The following GPR89B variants were observed in gnomAD, a reference collection of about 807,000 sequenced individuals.
GPR89B encodes G protein-coupled receptor 89B.
In GPR89B, 25 loss-of-function variants were observed where a neutral mutation model predicts 52.4. The observed-to-expected ratio is 0.48, with a 90% CI of 0.35 to 0.67. The LOEUF (loss-of-function observed/expected upper bound fraction) is 0.67, where lower values mean the gene tolerates loss of function less well. Among genes scored for constraint, GPR89B ranks in the 30% least tolerant of loss-of-function variants. The pLI, the probability that GPR89B is intolerant of heterozygous loss-of-function variation, is 0.01. For synonymous variants in GPR89B, 52 were observed against 151.2 expected, an observed-to-expected ratio of 0.34 and a Z score of 4.81; for missense variants, 146 against 450.2, an observed-to-expected ratio of 0.32 and a Z score of 6.11.
downstream of GPR89B, among the ~76,000 whole-genome samples, chr1:147,997,776 A>T (rs1418231222): frequency 3.3e-5 from 5 of 152,206 alleles, no homozygotes; most frequent in African/African-American, 1.2e-4. Context: ...GAAGAGACCA[A>T]CCCATATACA....
chr1:147,995,639 A>G (rs1659298960), downstream of GPR89B: 44 of 1,609,068 alleles, frequency 2.7e-5, 1 homozygote, highest in Admixed American at 8.4e-5. Context: ...CTCCACCACT[A>G]TTCCTTCTTT....
chr1:147,951,539 A>T (rs1324707140), intron 5 of GPR89B, among the ~76,000 whole-genome samples: 1 of 151,962 alleles, frequency 6.6e-6, no homozygotes, highest in East Asian at 1.9e-4. Context: ...GAAGCCAAGA[A>T]CAGAATTTCT....
intron 12 of GPR89B, among the ~76,000 whole-genome samples, chr1:147,990,683 C>T (rs1363568671): frequency 6.6e-6 from 1 of 152,016 alleles, no homozygotes; most frequent in East Asian, 1.9e-4. Flanking sequence ...CCAGTTTTCC[C>T]AGCACCATTT....
intron 1 of GPR89B, among the ~76,000 whole-genome samples, chr1:147,932,772 C>T (rs868906685): frequency 2.0e-5 from 3 of 152,118 alleles, no homozygotes; most frequent in Non-Finnish European, 2.9e-5. Flanking sequence ...AGCCATTCTA[C>T]CTACCTTTGA....
chr1:147,929,860 A>T (rs1188300937), intron 1 of GPR89B, among the ~76,000 whole-genome samples: 3 of 152,176 alleles, frequency 2.0e-5, no homozygotes, highest in Non-Finnish European at 4.4e-5. Context: ...GCTGCATAGT[A>T]TTCAAATGTA....
the GPR89B span, chr1:148,011,095 C>T: frequency 6.6e-5 from 10 of 152,126 alleles, no homozygotes; most frequent in Admixed American, 2.6e-4. Context: ...TCCCCACCTA[C>T]GCGGGAGACC....
At chr1:147,985,634 T>C (rs1197680529) in intron 10 of GPR89B, among the ~76,000 whole-genome samples, 3 of 151,238 alleles carry the variant, frequency 2.0e-5, no homozygotes, top group African/African-American at 7.4e-5. Flanking sequence ...ATTGATGTGG[T>C]TGTTTTTTTT....
the GPR89B span, among the ~76,000 whole-genome samples, chr1:148,002,967 A>G: frequency 3.3e-5 from 5 of 152,090 alleles, no homozygotes; most frequent in African/African-American, 1.2e-4. Context: ...GCTTACTCTA[A>G]CGTTGAATTA....
intron 5 of GPR89B, among the ~76,000 whole-genome samples, chr1:147,947,472 G>A (rs1655082916): frequency 6.6e-6 from 1 of 151,944 alleles, no homozygotes; most frequent in Non-Finnish European, 1.5e-5. Flanking sequence ...ACAAAAGACT[G>A]TAAGGAATCT....
intron 5 of GPR89B, among the ~76,000 whole-genome samples, chr1:147,952,971 A>G (rs2149058471): frequency 6.6e-6 from 1 of 151,474 alleles, no homozygotes; most frequent in South Asian, 2.1e-4. Context: ...TGCTATTTAT[A>G]CTTTTCCAGC....
chr1:148,019,363 C>T, the GPR89B span, among the ~76,000 whole-genome samples: 3 of 150,108 alleles, frequency 2.0e-5, no homozygotes, highest in East Asian at 2.0e-4. Flanking sequence ...GAGCTGAATG[C>T]GAGAACACAT....
the GPR89B span, chr1:148,014,546 C>T: frequency 6.6e-6 from 1 of 151,644 alleles, no homozygotes; most frequent in African/African-American, 2.4e-5. Flanking sequence ...GGGAGAACCC[C>T]CTTCCTGACC....
At chr1:148,007,447 G>C in the GPR89B span, among the ~76,000 whole-genome samples, 2 of 151,902 alleles carry the variant, frequency 1.3e-5, no homozygotes, top group Admixed American at 1.3e-4. Flanking sequence ...TTGATACCAA[G>C]AGCATATGAT....
the GPR89B span, among the ~76,000 whole-genome samples, chr1:148,001,783 C>T: frequency 6.6e-6 from 1 of 151,148 alleles, no homozygotes; most frequent in East Asian, 1.9e-4. Flanking sequence ...AAGCATCTGA[C>T]ATTTGATTTT....
rs1343057842 is a variant in GPR89B at position 147,928,483 on chromosome 1, G to C, written c.-54G>C. On this transcript the variant is annotated 5_prime_UTR_variant, in exon 1 of 14. Coordinates refer to ENST00000314163, the MANE Select transcript of GPR89B (RefSeq NM_016334.5). ...GTGAGGGGGCCTGTGGCCCCAGCGT[G>C]CTGTGGCCTCCGGGAGTGGGAAGTG... 1.2e-6 allele frequency: 2 copies of C among 1,609,060 alleles called. No homozygotes were observed. The highest frequency in any genetic ancestry group is 1.7e-6 in the Non-Finnish European group (2 of 1,175,612).
At position 147,952,244 on chromosome 1, in the gene GPR89B, A is replaced by G. The variant is rs148728754; in HGVS notation, c.416-1101A>G. On this transcript the variant is annotated intron_variant, in intron 5 of 13. Coordinates refer to ENST00000314163, the MANE Select transcript of GPR89B (RefSeq NM_016334.5). ...TCCAAAATCAGTATGCATTCTAGCA[A>G]TTTGAGGCAGCAAAACATGGGCACA... 4.1e-3 allele frequency among the ~76,000 whole-genome samples: 623 copies of G among 152,194 alleles called. 10 individuals carry two copies. Among genetic ancestry groups the G allele is most frequent in the African/African-American group, 0.014 (587 of 41,466 alleles).
At chr1:148,017,320 G>A in the GPR89B span, among the ~76,000 whole-genome samples, 2 of 151,522 alleles carry the variant, frequency 1.3e-5, no homozygotes, top group Admixed American at 6.6e-5. Context: ...GGGATTACAG[G>A]CGTGAGCCAT....
At chr1:147,988,053 TC>T (rs1160637155) in intron 11 of GPR89B, among the ~76,000 whole-genome samples, 2 of 152,174 alleles carry the variant, frequency 1.3e-5, no homozygotes, top group African/African-American at 4.8e-5. Flanking sequence ...GTTATTTTTA[TC>T]ACTGCTTGGT....
chr1:148,013,430 C>T, the GPR89B span, among the ~76,000 whole-genome samples: 1 of 152,212 alleles, frequency 6.6e-6, no homozygotes, highest in South Asian at 2.1e-4. Flanking sequence ...CTCCCCAAGA[C>T]CCTCCGAAGG....
Sources: gnomAD v4.1 joint callset for allele counts (sites outside exome capture counted in the v4.1 genomes callset) on GRCh38, gnomAD v4.1.1 for gene constraint, MANE v1.5 for transcripts, NCBI Gene and HGNC (gene_info 2026-07-23, HGNC 2026-07-21) for gene names.